Variants in SMAD9 observed in about 807,000 individuals in gnomAD.
SMAD9 encodes SMAD family member 9.
Under a neutral mutation model 46.1 loss-of-function variants are expected in SMAD9, and 36 were observed. The ratio of observed to expected loss-of-function variants is 0.78; its 90% CI spans 0.60 to 1.03. The LOEUF (loss-of-function observed/expected upper bound fraction) is 1.03. Ranked by LOEUF, SMAD9 falls within the 50% of genes least tolerant of loss-of-function variation. SMAD9 has a pLI of 0.00. For missense variants in SMAD9, 572 were observed against 599.8 expected, an observed-to-expected ratio of 0.95 and a Z score of 0.48; for synonymous variants, 245 against 237.1, an observed-to-expected ratio of 1.03 and a Z score of -0.31.
intron 1 of SMAD9, among the ~76,000 whole-genome samples, chr13:36,914,276 T>G (rs538909219): frequency 6.6e-6 from 1 of 152,152 alleles, no homozygotes; most frequent in African/African-American, 2.4e-5. Flanking sequence ...ACCCAGCACT[T>G]TGGGAGGCCG....
chr13:36,896,673 A>T (rs1021139111), intron 1 of SMAD9, among the ~76,000 whole-genome samples: 3 of 152,204 alleles, frequency 2.0e-5, no homozygotes, highest in African/African-American at 7.2e-5. Context: ...GCCAAAAAAA[A>T]TAGAAAAATA....
At chr13:36,867,129 A>T (rs771805865) in intron 4 of SMAD9, 144 bp downstream of exon 4, 1 of 629,606 alleles carries the variant, frequency 1.6e-6, no homozygotes, top group Non-Finnish European at 2.9e-6. Context: ...GTTAAAATGC[A>T]AAGCCATCCC....
rs866697118 is a variant in SMAD9, at chr13:36,858,969, C to T, written c.1004-5294G>A. On this transcript the variant is annotated intron_variant, in intron 5 of 6. Coordinates refer to ENST00000379826, the MANE Select transcript of SMAD9 (RefSeq NM_001127217.3). ...CAAGCAATCCACCCACCTCGACCTC[C>T]CAAAGTGCTGGGATTACAGGTGTGA... 3.9e-5 allele frequency among the ~76,000 whole-genome samples: 6 copies of T among 152,224 alleles called. No individual in the cohort carries two copies. In the South Asian group the frequency reaches 1.2e-3, roughly 32 times the overall value.
At chr13:36,894,122 G>T (rs1391019957) in intron 1 of SMAD9, among the ~76,000 whole-genome samples, 1 of 152,126 alleles carries the variant, frequency 6.6e-6, no homozygotes, top group Non-Finnish European at 1.5e-5. Flanking sequence ...GAATAAGAAT[G>T]TTAAGAACAG....
chr13:36,862,823 G>A (rs1295724470), intron 5 of SMAD9, among the ~76,000 whole-genome samples: 1 of 152,142 alleles, frequency 6.6e-6, no homozygotes, highest in African/African-American at 2.4e-5. Flanking sequence ...TTTCCAGGAA[G>A]GCCTTCCCTG....
intron 1 of SMAD9, among the ~76,000 whole-genome samples, chr13:36,901,093 T>C (rs1434001869): frequency 6.6e-6 from 1 of 152,276 alleles, no homozygotes; most frequent in African/African-American, 2.4e-5. Context: ...ATATAGTCCA[T>C]ATTCCACCTT....
intron 5 of SMAD9, among the ~76,000 whole-genome samples, chr13:36,856,510 G>A (rs1250421873): frequency 6.6e-6 from 1 of 152,176 alleles, no homozygotes. Context: ...CCAGCATGCG[G>A]AGCCCGCCCA....
chr13:36,870,177 G>A (rs2058276916), intron 3 of SMAD9, among the ~76,000 whole-genome samples: 1 of 152,112 alleles, frequency 6.6e-6, no homozygotes, highest in South Asian at 2.1e-4. Flanking sequence ...GGTGGGAAGA[G>A]TAAAAAGAAC....
intron 3 of SMAD9, among the ~76,000 whole-genome samples, 183 bp downstream of exon 3, chr13:36,872,475 C>G (rs2058304082): frequency 6.6e-6 from 1 of 151,798 alleles, no homozygotes; most frequent in Non-Finnish European, 1.5e-5. Flanking sequence ...AAAACATGTT[C>G]TATCTCCAGG....
chr13:36,907,897 A>G (rs1458593785), intron 1 of SMAD9, among the ~76,000 whole-genome samples: 1 of 152,170 alleles, frequency 6.6e-6, no homozygotes, highest in Non-Finnish European at 1.5e-5. Flanking sequence ...CCTTGGAAGA[A>G]AACAGAATCC....
At chr13:36,911,241 C>T (rs1240125354) in intron 1 of SMAD9, among the ~76,000 whole-genome samples, 1 of 152,070 alleles carries the variant, frequency 6.6e-6, no homozygotes, top group Non-Finnish European at 1.5e-5. Context: ...AACTCCTGGG[C>T]TCAAGCAATC....
intron 2 of SMAD9, among the ~76,000 whole-genome samples, chr13:36,877,528 T>C (rs1233501635): frequency 5.3e-5 from 8 of 152,234 alleles, no homozygotes; most frequent in African/African-American, 1.9e-4. Context: ...ATTTTTCCAT[T>C]TGGATATATT....
At chr13:36,874,727 G>A (rs2058328893) in intron 2 of SMAD9, among the ~76,000 whole-genome samples, 1 of 151,566 alleles carries the variant, frequency 6.6e-6, no homozygotes, top group East Asian at 1.9e-4. Flanking sequence ...CGTGGTTGCG[G>A]GTGCCTGTAG....
intron 5 of SMAD9, among the ~76,000 whole-genome samples, chr13:36,864,206 G>T (rs1184719115): frequency 6.6e-6 from 1 of 152,212 alleles, no homozygotes; most frequent in Non-Finnish European, 1.5e-5. Context: ...TTGAGGAATG[G>T]CTATTTTCCC....
intron 1 of SMAD9, among the ~76,000 whole-genome samples, chr13:36,919,730 C>A (rs987434396): frequency 6.0e-5 from 9 of 149,104 alleles, no homozygotes; most frequent in Admixed American, 4.0e-4. Context: ...CCTGACAGGT[C>A]CCGGGGCCCG....
intron 6 of SMAD9, chr13:36,851,881 A>G: frequency 1.0e-6 from 1 of 971,048 alleles, no homozygotes; most frequent in Non-Finnish European, 1.2e-6. Flanking sequence ...GGAAAATCAG[A>G]TTTCTATATA....
rs2058033497 is a variant in SMAD9, at chr13:36,845,496, C to T, written c.*3180G>A. On this transcript the variant is annotated 3_prime_UTR_variant, in exon 7 of 7. Transcript: ENST00000379826. ...CAATGTTCTGGGTCTTGTGAGCAGA[C>T]CGAAATGTTACTACAGTGTTCTCTA... The T allele has an allele frequency of 7.3e-6, 1 of 136,632 alleles. No individual in the cohort carries two copies. The highest frequency in any genetic ancestry group is 1.6e-5 in the Non-Finnish European group (1 of 64,120). The allele number at this position is 136,632 out of a possible 1,614,324, so 8.5% of individuals were successfully genotyped here.
chr13:36,870,364 C>T (rs777833344), intron 3 of SMAD9, among the ~76,000 whole-genome samples: 2 of 152,134 alleles, frequency 1.3e-5, no homozygotes, highest in East Asian at 1.9e-4. Flanking sequence ...TCTCAGTGAA[C>T]TCAGCCACTT....
intron 2 of SMAD9, among the ~76,000 whole-genome samples, chr13:36,874,720 G>A (rs1326134753): frequency 6.6e-6 from 1 of 151,742 alleles, no homozygotes; most frequent in Non-Finnish European, 1.5e-5. Context: ...AGCCGGGCGT[G>A]GTTGCGGGTG....
Sources: gnomAD v4.1 joint callset for allele counts (sites outside exome capture counted in the v4.1 genomes callset) on GRCh38, gnomAD v4.1.1 for gene constraint, MANE v1.5 for transcripts, NCBI Gene and HGNC (gene_info 2026-07-23, HGNC 2026-07-21) for gene names.